Variants in GSK3B observed in about 807,000 individuals in gnomAD.
The protein encoded by GSK3B is glycogen synthase kinase-3 beta.
In GSK3B, 15 loss-of-function variants were observed where a neutral mutation model predicts 56.4. That is an observed-to-expected ratio of 0.27 (90% confidence interval 0.18 to 0.41). GSK3B has a LOEUF of 0.41. Ranked by LOEUF, GSK3B falls within the 10% of genes least tolerant of loss-of-function variation. GSK3B has a pLI of 1.00. For missense variants in GSK3B, 300 were observed against 513.4 expected (o/e 0.58, Z 4.02); for synonymous variants, 181 against 188.9 (o/e 0.96, Z 0.34).
intron 7 of GSK3B, among the ~76,000 whole-genome samples, chr3:119,901,947 C>A (rs535028443): frequency 1.2e-4 from 18 of 152,092 alleles, no homozygotes; most frequent in African/African-American, 4.1e-4. Flanking sequence ...GGGTTAGTTT[C>A]CCCCAGATAC....
chr3:120,057,512 A>C (rs1239058266), intron 1 of GSK3B, among the ~76,000 whole-genome samples: 1 of 152,260 alleles, frequency 6.6e-6, no homozygotes, highest in Non-Finnish European at 1.5e-5. Flanking sequence ...TCTAGCAAGA[A>C]GAGGATACTG....
chr3:120,081,416 G>A (rs1181640409), intron 1 of GSK3B, among the ~76,000 whole-genome samples: 1 of 152,106 alleles, frequency 6.6e-6, no homozygotes, highest in Non-Finnish European at 1.5e-5. Context: ...GCGTGGTGGT[G>A]CATGCCTGTA....
intron 1 of GSK3B, among the ~76,000 whole-genome samples, chr3:120,038,418 C>T (rs138202179): frequency 0.012 from 1,757 of 152,200 alleles, 21 homozygotes; most frequent in Non-Finnish European, 0.017. Flanking sequence ...ATACCAACTA[C>T]GCGGGAGGCT....
At chr3:120,020,969 T>C (rs990562543) in intron 1 of GSK3B, among the ~76,000 whole-genome samples, 3 of 152,162 alleles carry the variant, frequency 2.0e-5, no homozygotes, top group African/African-American at 7.2e-5. Flanking sequence ...AACATTTCCT[T>C]AAGCCAAAGC....
chr3:120,086,666 A>T (rs2058465593), intron 1 of GSK3B, among the ~76,000 whole-genome samples: 1 of 152,116 alleles, frequency 6.6e-6, no homozygotes, highest in Non-Finnish European at 1.5e-5. Context: ...ATGTTGGCGC[A>T]TGCCTATAGT....
chr3:120,070,278 TAA>T (rs58003137), intron 1 of GSK3B, among the ~76,000 whole-genome samples: 3 of 136,750 alleles, frequency 2.2e-5, no homozygotes, highest in African/African-American at 7.9e-5. Flanking sequence ...ACAGTTTAAA[TAA>T]AAAAAAAAAG....
rs570235298 is a variant in GSK3B, at chr3:119,892,476, A to T, written c.813+13279T>A. The stretch of plus-strand genomic sequence containing the variant: ...GCTCTCCTAAGAAGGCTTTCCAGAC[A>T]GCACTACTCTGAGTGAAATGCTTCT... On this transcript the variant is annotated intron_variant, in intron 7 of 10. Coordinates refer to ENST00000264235, the MANE Select transcript of GSK3B (RefSeq NM_001146156.2). Among the ~76,000 whole-genome samples the T allele has an allele frequency of 3.3e-5, 5 of 152,300 alleles. No individual in the cohort carries two copies. In the South Asian group the frequency reaches 8.3e-4, roughly 25 times the overall value.
At chr3:119,946,518 A>G (rs1190807200) in intron 3 of GSK3B, among the ~76,000 whole-genome samples, 2 of 152,216 alleles carry the variant, frequency 1.3e-5, no homozygotes, top group Non-Finnish European at 2.9e-5. Flanking sequence ...TATTTAGCCA[A>G]AAGAATCAAG....
At chr3:119,837,393 T>C (rs1041400640) in intron 10 of GSK3B, among the ~76,000 whole-genome samples, 3 of 151,610 alleles carry the variant, frequency 2.0e-5, no homozygotes, top group Admixed American at 6.6e-5. Context: ...TCTCGATCTC[T>C]TGACCTCGTG....
chr3:119,980,334 A>C (rs1271336190), intron 2 of GSK3B, among the ~76,000 whole-genome samples: 1 of 152,158 alleles, frequency 6.6e-6, no homozygotes. Context: ...ACTCAGCCCA[A>C]ACAAAATCAT....
At chr3:119,958,764 A>AATGAAAAGAGTGTTCACTTTTTTC (rs199672840) in intron 2 of GSK3B, among the ~76,000 whole-genome samples, 101 of 151,324 alleles carry the variant, frequency 6.7e-4, no homozygotes, top group East Asian at 1.8e-3. Context: ...AAAGATTTTT[A>AATGAAAAGAGTGTTCACTTTTTTC]ATGAAAAGAG....
At chr3:120,037,252 G>C (rs1044019262) in intron 1 of GSK3B, among the ~76,000 whole-genome samples, 2 of 152,076 alleles carry the variant, frequency 1.3e-5, no homozygotes, top group South Asian at 4.1e-4. Flanking sequence ...TATGCATTTC[G>C]CTATTATATT....
intron 3 of GSK3B, among the ~76,000 whole-genome samples, chr3:119,937,709 G>A (rs924092575): frequency 6.6e-6 from 1 of 151,444 alleles, no homozygotes; most frequent in Non-Finnish European, 1.5e-5. Flanking sequence ...TCTACAACCG[G>A]AGAACTACAA....
At chr3:119,976,765 C>CAAAAAAAAAAAAAAAAAAAAAAAAAA (rs563133631) in intron 2 of GSK3B, among the ~76,000 whole-genome samples, 1 of 83,094 alleles carries the variant, frequency 1.2e-5, no homozygotes. Flanking sequence ...CCACTCCCCA[C>CAAAAAAAAAAAAAAAAAAAAAAAAAA]AAAAAAAAAA....
Position 119,823,959 on chromosome 3 carries a change from T to C in GSK3B, c.*2829A>G, listed in dbSNP as rs1385833394. 1 of 197,406 alleles carries C rather than the reference T, an allele frequency of 5.1e-6. No homozygotes were observed. Among genetic ancestry groups the C allele is most frequent in the African/African-American group, 2.3e-5 (1 of 43,226 alleles). The allele number at this position is 197,406 out of a possible 1,614,324, so 12.2% of individuals were successfully genotyped here. A position where few individuals can be genotyped will look rare whatever the true frequency, so the allele number is the denominator to read the frequency against. On this transcript the variant is annotated 3_prime_UTR_variant, in exon 11 of 11. Coordinates refer to ENST00000264235, the MANE Select transcript of GSK3B (RefSeq NM_001146156.2). ...ATGGAAGCGAAGGCACTCCAAACTA[T>C]ATAGATACACTATACATTGCTAGAG...
intron 6 of GSK3B, among the ~76,000 whole-genome samples, chr3:119,910,952 T>C (rs938332608): frequency 6.6e-6 from 1 of 152,200 alleles, no homozygotes; most frequent in African/African-American, 2.4e-5. Context: ...AGGCTCCACT[T>C]CTAATTCTAG....
intron 2 of GSK3B, among the ~76,000 whole-genome samples, chr3:119,970,426 A>G (rs1457312093): frequency 1.3e-5 from 2 of 152,286 alleles, no homozygotes; most frequent in East Asian, 1.9e-4. Context: ...AGCTAAAATT[A>G]AAGAGACTGA....
intron 1 of GSK3B, among the ~76,000 whole-genome samples, chr3:120,037,298 T>C (rs564778733): frequency 6.6e-6 from 1 of 152,232 alleles, no homozygotes; most frequent in South Asian, 2.1e-4. Context: ...GAAGGAAGAA[T>C]CAAATGGCAA....
chr3:119,894,836 A>G (rs2056544779), intron 7 of GSK3B, among the ~76,000 whole-genome samples: 1 of 152,240 alleles, frequency 6.6e-6, no homozygotes, highest in South Asian at 2.1e-4. Flanking sequence ...ACAAAGATTT[A>G]TATCTGTTTC....
Sources: allele counts gnomAD v4.1 joint callset (sites outside exome capture counted in the v4.1 genomes callset), GRCh38; gene constraint gnomAD v4.1.1; transcripts MANE v1.5; gene names NCBI Gene and HGNC (gene_info 2026-07-23, HGNC 2026-07-21).